The following IARS2 variants were observed in gnomAD, a reference collection of about 807,000 sequenced individuals.
The protein encoded by IARS2 is isoleucine--tRNA ligase, mitochondrial.
IARS2 carries 56 observed loss-of-function variants against 126.3 expected under a neutral mutation model. That is an observed-to-expected ratio of 0.44 (90% CI 0.36 to 0.55). The LOEUF is 0.55. IARS2 is among the 20% of genes least tolerant of loss of function. The pLI is 0.00. For synonymous variants in IARS2, 407 were observed against 441.1 expected, an observed-to-expected ratio of 0.92 and a Z score of 0.97; for missense variants, 1,127 against 1,245.9, an observed-to-expected ratio of 0.90 and a Z score of 1.44.
chr1:220,107,009 T>C lies in IARS2; in HGVS notation c.1237-52T>C, dbSNP rs925890826. 6 of 1,141,686 alleles carry C rather than the reference T, an allele frequency of 5.3e-6. No homozygotes were observed. The African/African-American group carries it at 9.1e-5, about 17-fold the overall frequency. 70.7% of individuals were successfully genotyped at this position (1,141,686 alleles called of 1,614,324 possible). On this transcript the variant is annotated intron_variant, in intron 9 of 22. Transcript: ENST00000366922. ...ATATATATTGTTTTGCCAGATATTG[T>C]CATAAGAGAAAATGTCTTGATATTT...
chr1:220,125,610 C>T (rs933031120), intron 13 of IARS2, among the ~76,000 whole-genome samples: 1 of 152,054 alleles, frequency 6.6e-6, no homozygotes, highest in African/African-American at 2.4e-5. Flanking sequence ...TTGAGACCAG[C>T]CTGGGCAATA....
At chr1:220,139,951 C>A (rs1459830773) in intron 18 of IARS2, among the ~76,000 whole-genome samples, 2 of 152,096 alleles carry the variant, frequency 1.3e-5, no homozygotes, top group Non-Finnish European at 2.9e-5. Context: ...CTCATTCTTT[C>A]CTTAATTAAT....
chr1:220,142,427 G>A (rs922228773), intron 20 of IARS2, among the ~76,000 whole-genome samples: 31 of 152,132 alleles, frequency 2.0e-4, no homozygotes, highest in Non-Finnish European at 7.4e-5. Flanking sequence ...GCTTGAACTC[G>A]GGAGGTGGAA....
At chr1:220,107,247 A>G in intron 10 of IARS2, 96 bp downstream of exon 10, 1 of 744,590 alleles carries the variant, frequency 1.3e-6, no homozygotes. Context: ...TTTAACAGAA[A>G]CAAAAAAATA....
Position 220,145,620 on chromosome 1 carries a change from G to A in IARS2, c.2863G>A (p.Glu955Lys). The A allele has an allele frequency of 3.7e-6, 6 of 1,613,132 alleles. No homozygotes were observed. Among genetic ancestry groups the A allele is most frequent in the Admixed American group, 1.7e-5 (1 of 59,960 alleles). The part of the protein sequence containing the change: ...EPREMTADVI[E>K]LKGKFLINLE... The stretch of plus-strand genomic sequence containing the variant: ...ACGAGAGATGACTGCAGATGTAATC[G>A]AGCTTAAAGGGAAATTCCTCATCAA... The change falls in exon 22 of 23, where the codon GAG becomes AAG. Residue 955 changes from glutamate (E) to lysine (K), a missense_variant. Coordinates refer to ENST00000366922, the MANE Select transcript of IARS2 (RefSeq NM_018060.4).
chr1:220,098,523 ATATT>A (rs1301727715), intron 2 of IARS2, among the ~76,000 whole-genome samples: 1 of 152,210 alleles, frequency 6.6e-6, no homozygotes, highest in South Asian at 2.1e-4. Flanking sequence ...ATGTTGGTAT[ATATT>A]CTGTGTTCCT....
chr1:220,111,294 G>T (rs749292419), intron 11 of IARS2, among the ~76,000 whole-genome samples: 14 of 152,044 alleles, frequency 9.2e-5, no homozygotes, highest in Non-Finnish European at 1.9e-4. Context: ...GTAATAATGC[G>T]TATCTCATGG....
intron 22 of IARS2, among the ~76,000 whole-genome samples, chr1:220,146,580 G>A (rs1244353090): frequency 6.7e-6 from 1 of 148,740 alleles, no homozygotes; most frequent in Non-Finnish European, 1.5e-5. Flanking sequence ...TAGCTTTTGG[G>A]TACCAGGAGA....
intron 10 of IARS2, among the ~76,000 whole-genome samples, chr1:220,110,085 C>T (rs1017891447): frequency 2.0e-5 from 3 of 151,956 alleles, no homozygotes; most frequent in African/African-American, 4.8e-5. Flanking sequence ...GACAGAGTCT[C>T]GCTTTGTTGC....
intron 12 of IARS2, among the ~76,000 whole-genome samples, chr1:220,123,567 G>A (rs551598630): frequency 3.3e-5 from 5 of 152,192 alleles, no homozygotes; most frequent in East Asian, 1.9e-4. Context: ...TCTGCCTCCC[G>A]GGTTCACGCC....
intron 1 of IARS2, 84 bp downstream of exon 1, chr1:220,094,567 A>G: frequency 2.6e-6 from 3 of 1,174,050 alleles, no homozygotes; most frequent in South Asian, 3.2e-5. Context: ...CCACACCTCT[A>G]GGCTCCACGC....
chr1:220,100,467 TA>T (rs765771492), intron 2 of IARS2, 22 bp from the exon 3 acceptor site: 1 of 1,563,040 alleles, frequency 6.4e-7, no homozygotes, highest in East Asian at 2.3e-5. Flanking sequence ...GTATGAATGA[TA>T]ATTATCATTT....
intron 21 of IARS2, 61 bp from the exon 22 acceptor site, chr1:220,145,448 A>G (rs1657567345): frequency 6.7e-7 from 1 of 1,483,460 alleles, no homozygotes; most frequent in Non-Finnish European, 9.1e-7. Context: ...GTTTCTTTTT[A>G]TAACCTCAGT....
chr1:220,135,550 G>A (rs1298704810), intron 15 of IARS2, among the ~76,000 whole-genome samples: 1 of 151,908 alleles, frequency 6.6e-6, no homozygotes, highest in South Asian at 2.1e-4. Context: ...AATAGAGACG[G>A]GATTTCACCA....
At chr1:220,139,880 A>C (rs1657452065) in intron 18 of IARS2, among the ~76,000 whole-genome samples, 1 of 152,238 alleles carries the variant, frequency 6.6e-6, no homozygotes, top group African/African-American at 2.4e-5. Flanking sequence ...AACACTAATG[A>C]ATTGTTGGTG....
intron 10 of IARS2, among the ~76,000 whole-genome samples, chr1:220,109,668 T>C (rs1656757658): frequency 6.6e-6 from 1 of 152,200 alleles, no homozygotes; most frequent in Non-Finnish European, 1.5e-5. Context: ...CATAATCTTC[T>C]TTCTATCCTC....
intron 12 of IARS2, among the ~76,000 whole-genome samples, chr1:220,115,825 A>G (rs998276202): frequency 2.0e-5 from 3 of 152,172 alleles, no homozygotes; most frequent in Admixed American, 6.6e-5. Flanking sequence ...AGGAAAAGCA[A>G]TGGTTGCAGG....
At chr1:220,140,147 C>G in intron 18 of IARS2, 36 bp from the exon 19 acceptor site, 1 of 1,229,388 alleles carries the variant, frequency 8.1e-7, no homozygotes, top group South Asian at 1.2e-5. Flanking sequence ...ATTTGCCTGT[C>G]TCAGCTTCCA....
At chr1:220,123,277 T>C (rs1367369871) in intron 12 of IARS2, among the ~76,000 whole-genome samples, 1 of 152,160 alleles carries the variant, frequency 6.6e-6, no homozygotes, top group African/African-American at 2.4e-5. Flanking sequence ...AGTTTATCTT[T>C]ACTGTTAAAG....
Sources: gnomAD v4.1 joint callset for allele counts (sites outside exome capture counted in the v4.1 genomes callset) on GRCh38, gnomAD v4.1.1 for gene constraint, MANE v1.5 for transcripts, NCBI Gene and HGNC (gene_info 2026-07-23, HGNC 2026-07-21) for gene names.